Variants in EIF2AK3 observed in about 807,000 individuals in gnomAD.
EIF2AK3 encodes the protein eukaryotic translation initiation factor 2-alpha kinase 3.
Under a neutral mutation model 113.5 loss-of-function variants are expected in EIF2AK3, and 50 were observed. The observed-to-expected ratio is 0.44, with a 90% CI of 0.35 to 0.56. The LOEUF is 0.56. Ranked by LOEUF, EIF2AK3 falls within the 20% of genes least tolerant of loss-of-function variation. The pLI, the probability that EIF2AK3 is intolerant of heterozygous loss-of-function variation, is 0.00. For missense variants in EIF2AK3, 1,185 were observed against 1,378.0 expected, an observed-to-expected ratio of 0.86 and a Z score of 2.22; for synonymous variants, 448 against 495.4, an observed-to-expected ratio of 0.90 and a Z score of 1.27.
intron 6 of EIF2AK3, among the ~76,000 whole-genome samples, chr2:88,590,160 A>C (rs536931546): frequency 1.3e-5 from 2 of 152,116 alleles, no homozygotes; most frequent in Admixed American, 1.3e-4. Context: ...GCTTGAACCC[A>C]GGAGGCGGAG....
In EIF2AK3 at chr2:88,579,539, T is replaced by TTG; in HGVS notation, c.1863_1864dup (p.Lys622ThrfsTer16). 6.2e-7 allele frequency: 1 copy of TTG among 1,613,878 alleles called. No individual in the cohort carries two copies. ...TTACCTATTGGGGAGACGGATCCTC[T>TTG]TGATAGCATAATTGCAGTCATCTAC... is the stretch of plus-strand genomic sequence containing the variant. On this transcript the variant is annotated frameshift_variant, in exon 11 of 17. Coordinates refer to ENST00000303236, the MANE Select transcript of EIF2AK3 (RefSeq NM_004836.7). LOFTEE classifies it high-confidence loss of function.
At position 88,590,521 on chromosome 2, in the gene EIF2AK3, A is replaced by G. The variant is rs1425646551; in HGVS notation, c.1087T>C (p.Ser363Pro). ...ISLFDDTSYTSNDDVLEDEED... is the reference protein window; with the variant it reads ...ISLFDDTSYTPNDDVLEDEED... The stretch of plus-strand genomic sequence containing the variant: ...TCATCTTCTAAAACATCATCATTAG[A>G]TGTATAACTTGTATCATCAAAAAGA... The change falls in exon 6 of 17, where the codon TCT (serine) becomes CCT (proline). Residue 363 changes from serine (S) to proline (P), a missense_variant. Coordinates refer to ENST00000303236, the MANE Select transcript of EIF2AK3 (RefSeq NM_004836.7). 1.2e-6 allele frequency: 2 copies of G among 1,613,714 alleles called. No individual in the cohort carries two copies. Among genetic ancestry groups the G allele is most frequent in the East Asian group, 4.5e-5 (2 of 44,864 alleles).
chr2:88,562,197 A>AT (rs1384733707), intron 15 of EIF2AK3, 92 bp downstream of exon 15: 11 of 983,478 alleles, frequency 1.1e-5, no homozygotes, highest in African/African-American at 1.6e-5. Flanking sequence ...ATCTGCTGGT[A>AT]TTAAGAAGAA....
chr2:88,573,209 C>T (rs1674362264), intron 13 of EIF2AK3, among the ~76,000 whole-genome samples: 1 of 149,750 alleles, frequency 6.7e-6, no homozygotes, highest in Non-Finnish European at 1.5e-5. Flanking sequence ...TCTAGAAAAA[C>T]TAACAGGAAT....
rs1673821129 is a variant in EIF2AK3 at position 88,557,797 on chromosome 2, G to A, written c.3290C>T (p.Ser1097Leu). Residue 1097 changes from serine (S) to leucine (L), a missense_variant, in exon 17 of 17, where the codon TCA (serine) becomes TTA (leucine). Physicochemically the swap from Ser to Leu is moderately radical, Grantham distance 145. Coordinates refer to ENST00000303236, the MANE Select transcript of EIF2AK3 (RefSeq NM_004836.7). ...VLRQRSRSLS[S>L]SGTKHSRQSN... Reference sequence around the variant, plus strand: ...CTGTCTTGAATGTTTTGTTCCCGATGAACTCAAGGAGCGAGACCTCTGTCT... The same window carrying A: ...CTGTCTTGAATGTTTTGTTCCCGATAAACTCAAGGAGCGAGACCTCTGTCT... 1.2e-6 allele frequency: 2 copies of A among 1,614,034 alleles called. No homozygotes were observed. The highest frequency in any genetic ancestry group is 2.7e-5 in the African/African-American group (2 of 74,928).
Position 88,588,100 on chromosome 2 carries a change from A to T in EIF2AK3, c.1311T>A (p.Ser437=). ...CTACCAAGACAGGAGTTCTGGAAGG[A>T]GAATCTAAAAGAAAATTATTATTTT... ...PTIKWKPLIH[S]PSRTPVLVGS... Residue 437 remains serine (S), a synonymous_variant, in exon 8 of 17, where the codon TCT becomes TCA. Coordinates refer to ENST00000303236, the MANE Select transcript of EIF2AK3 (RefSeq NM_004836.7). 1 of 1,462,888 alleles carries T rather than the reference A, an allele frequency of 6.8e-7. No individual in the cohort carries two copies. Among genetic ancestry groups the T allele is most frequent in the African/African-American group, 1.4e-5 (1 of 71,818 alleles). 90.6% of individuals were successfully genotyped at this position (1,462,888 alleles called of 1,614,324 possible).
chr2:88,595,676 C>A lies in EIF2AK3; in HGVS notation c.439-13G>T, dbSNP rs199902769. On this transcript the variant is annotated splice_polypyrimidine_tract_variant and intron_variant, in intron 2 of 16. Coordinates refer to ENST00000303236, the MANE Select transcript of EIF2AK3 (RefSeq NM_004836.7). Reference sequence around the variant, plus strand: ...TATTCCCAAATACCTAAAACAGAAGCTAACTTTTTAAAAGGGCCATAACAT... The same window carrying A: ...TATTCCCAAATACCTAAAACAGAAGATAACTTTTTAAAAGGGCCATAACAT... The A allele has an allele frequency of 6.2e-7, 1 of 1,612,910 alleles. No individual in the cohort carries two copies. The highest frequency in any genetic ancestry group is 8.5e-7 in the Non-Finnish European group (1 of 1,179,104).
At chr2:88,579,699 T>C (rs1674550669) in intron 10 of EIF2AK3, 59 bp from the exon 11 acceptor site, 2 of 1,507,614 alleles carry the variant, frequency 1.3e-6, no homozygotes, top group Non-Finnish European at 1.8e-6. Flanking sequence ...TGTGGTAATG[T>C]GAAAATCAGT....
intron 9 of EIF2AK3, among the ~76,000 whole-genome samples, chr2:88,584,714 C>T (rs986291536): frequency 2.6e-5 from 4 of 151,782 alleles, no homozygotes; most frequent in Admixed American, 1.3e-4. Context: ...TAATTTCAAA[C>T]TAAAAGATAT....
In EIF2AK3 at chr2:88,575,274, G is replaced by C. The variant is rs1346069423; in HGVS notation, c.2209C>G (p.Gln737Glu). Residue 737 changes from glutamine to glutamate, a missense_variant, in exon 13 of 17, where the codon CAG becomes GAG. Transcript: ENST00000303236. ...CCTGAGAATTCCAGTGGTGAGAACT[G>C]GCTCTCAGATGAACTTGTCTGGTCA... ...SCDQTSSSESQFSPLEFSGMD... is the reference protein window; with the variant it reads ...SCDQTSSSESEFSPLEFSGMD... 6.2e-7 allele frequency: 1 copy of C among 1,614,018 alleles called. No homozygotes were observed. Among genetic ancestry groups the C allele is most frequent in the Non-Finnish European group, 8.5e-7 (1 of 1,180,016 alleles).
chr2:88,626,916 G>A (rs745974251), intron 1 of EIF2AK3, 51 bp downstream of exon 1: 65 of 1,598,904 alleles, frequency 4.1e-5, no homozygotes, highest in Non-Finnish European at 5.5e-5. Flanking sequence ...CGCATCCTCC[G>A]CGGCTCGCGC....
chr2:88,565,444 G>T (rs995728161), intron 14 of EIF2AK3, among the ~76,000 whole-genome samples: 1 of 151,224 alleles, frequency 6.6e-6, no homozygotes, highest in Admixed American at 6.6e-5. Context: ...AGCCTCAAGC[G>T]ATCCTTTCTA....
At chr2:88,584,362 C>G (rs1674666753) in intron 9 of EIF2AK3, among the ~76,000 whole-genome samples, 2 of 151,654 alleles carry the variant, frequency 1.3e-5, no homozygotes, top group African/African-American at 4.8e-5. Flanking sequence ...ACAAAAAATA[C>G]AAAAATTAGC....
Position 88,579,566 on chromosome 2 carries a change from T to A in EIF2AK3, c.1838A>T (p.Lys613Ile). ...GFGVVFEAKN[K>I]VDDCNYAIKR... ...GATAGCATAATTGCAGTCATCTACT[T>A]TGTTTTTAGCTTCAAAAACAACTCC... The change falls in exon 11 of 17, where the codon AAA (lysine) becomes ATA (isoleucine). Residue 613 changes from lysine to isoleucine, a missense_variant. Lys to Ile is a moderately radical substitution (Grantham distance 102). Transcript: ENST00000303236. 1 of 1,613,916 alleles carries A rather than the reference T, an allele frequency of 6.2e-7. No individual in the cohort carries two copies. The highest frequency in any genetic ancestry group is 8.5e-7 in the Non-Finnish European group (1 of 1,179,872).
chr2:88,619,805 T>A (rs542107458), intron 1 of EIF2AK3, among the ~76,000 whole-genome samples: 1 of 151,944 alleles, frequency 6.6e-6, no homozygotes, highest in Non-Finnish European at 1.5e-5. Flanking sequence ...AATACAAAAG[T>A]AAGCCGGGTG....
chr2:88,562,074 GAACA>G lies in EIF2AK3; in HGVS notation c.3087+211_3087+214del, dbSNP rs541151612. 6.6e-3 allele frequency among the ~76,000 whole-genome samples: 1,006 copies of G among 152,212 alleles called. 4 individuals are homozygous for G. Among genetic ancestry groups the G allele is most frequent in the Non-Finnish European group, 0.011 (715 of 67,984 alleles). ...TATGATGAATTTAAGCAAAAACTAA[GAACA>G]AACAATCTAACCAAACAAGTTTTTG... On this transcript the variant is annotated intron_variant, in intron 15 of 16. Transcript: ENST00000303236.
At chr2:88,620,996 A>G (rs1328236972) in intron 1 of EIF2AK3, among the ~76,000 whole-genome samples, 1 of 152,258 alleles carries the variant, frequency 6.6e-6, no homozygotes, top group African/African-American at 2.4e-5. Flanking sequence ...AGAAGATGGG[A>G]AAAGATGTGA....
At chr2:88,582,072 T>C (rs895803059) in intron 10 of EIF2AK3, among the ~76,000 whole-genome samples, 1 of 152,148 alleles carries the variant, frequency 6.6e-6, no homozygotes, top group African/African-American at 2.4e-5. Context: ...ACTGGCAACA[T>C]TTTTGCTTCC....
intron 9 of EIF2AK3, among the ~76,000 whole-genome samples, chr2:88,585,583 A>G (rs1674699812): frequency 6.6e-6 from 1 of 152,182 alleles, no homozygotes; most frequent in South Asian, 2.1e-4. Flanking sequence ...ACACCCAAGG[A>G]GACCAGGAGA....
Sources: gnomAD v4.1 joint callset for allele counts (sites outside exome capture counted in the v4.1 genomes callset) on GRCh38, gnomAD v4.1.1 for gene constraint, MANE v1.5 for transcripts, NCBI Gene and HGNC (gene_info 2026-07-23, HGNC 2026-07-21) for gene names.